LRP1B: variants seen among roughly 807,000 people sequenced by gnomAD.
LRP1B encodes low-density lipoprotein receptor-related protein 1B.
In LRP1B, 217 loss-of-function variants were observed where a neutral mutation model predicts 556.6. The ratio of observed to expected loss-of-function variants is 0.39; its 90% CI spans 0.35 to 0.44. The LOEUF (loss-of-function observed/expected upper bound fraction) is 0.44. LRP1B is among the 20% of genes least tolerant of loss of function. The pLI is 1.00. For missense variants in LRP1B, 5,053 were observed against 5,620.8 expected (o/e 0.90, Z 3.23); for synonymous variants, 2,047 against 1,865.8 (o/e 1.10, Z -2.50).
At chr2:141,232,104 C>T (rs1683494242) in intron 5 of LRP1B, among the ~76,000 whole-genome samples, 1 of 152,172 alleles carries the variant, frequency 6.6e-6, no homozygotes, top group Non-Finnish European at 1.5e-5. Context: ...CAGTTTCTCT[C>T]CTAACCTCTT....
intron 3 of LRP1B, among the ~76,000 whole-genome samples, chr2:141,271,772 A>T (rs1466874201): frequency 4.8e-4 from 21 of 43,970 alleles, no homozygotes; most frequent in African/African-American, 1.1e-3. Flanking sequence ...AAACCATATG[A>T]AAAAAAAAAA....
rs539637344 is a variant in LRP1B at position 140,446,126 on chromosome 2, T to C, written c.10058-1447A>G. Among the ~76,000 whole-genome samples the C allele has an allele frequency of 4.6e-5, 7 of 152,304 alleles. No individual in the cohort carries two copies. The South Asian group carries it at 8.3e-4, about 18-fold the overall frequency. ...TTTGTTAATTAATAATACTAAATGT[T>C]TAAACTGAATGACACAATTATCTCA... is the stretch of plus-strand genomic sequence containing the variant. On this transcript the variant is annotated intron_variant, in intron 63 of 90. Coordinates refer to ENST00000389484, the MANE Select transcript of LRP1B (RefSeq NM_018557.3).
chr2:141,290,188 T>C (rs1349064411), intron 3 of LRP1B, among the ~76,000 whole-genome samples: 1 of 152,102 alleles, frequency 6.6e-6, no homozygotes, highest in Non-Finnish European at 1.5e-5. Flanking sequence ...GAAAATCTCC[T>C]CTATATTTAA....
intron 82 of LRP1B, among the ~76,000 whole-genome samples, chr2:140,318,130 T>C (rs1189498830): frequency 6.6e-6 from 1 of 151,892 alleles, no homozygotes; most frequent in African/African-American, 2.4e-5. Context: ...GGCAAATAAT[T>C]ATAAAGAAAT....
chr2:140,551,052 C>A (rs775035327), intron 43 of LRP1B, among the ~76,000 whole-genome samples: 1 of 152,070 alleles, frequency 6.6e-6, no homozygotes, highest in Non-Finnish European at 1.5e-5. Context: ...AGCGGTAAAG[C>A]CATCACTAGA....
intron 2 of LRP1B, among the ~76,000 whole-genome samples, chr2:141,717,331 C>A (rs1558825028): frequency 6.6e-6 from 1 of 152,158 alleles, no homozygotes; most frequent in Non-Finnish European, 1.5e-5. Context: ...TGCATGATTG[C>A]TATTATGTCA....
chr2:141,414,916 G>T (rs770283782), intron 3 of LRP1B, among the ~76,000 whole-genome samples: 1 of 152,178 alleles, frequency 6.6e-6, no homozygotes, highest in Non-Finnish European at 1.5e-5. Context: ...TGACAAATCT[G>T]ATAAAATTGA....
chr2:140,403,879 A>G (rs941034855), intron 66 of LRP1B, among the ~76,000 whole-genome samples: 1 of 152,168 alleles, frequency 6.6e-6, no homozygotes, highest in Non-Finnish European at 1.5e-5. Context: ...GTGAGATAAA[A>G]GCATCAGGTA....
intron 41 of LRP1B, among the ~76,000 whole-genome samples, chr2:140,696,530 AC>A (rs1227267622): frequency 2.0e-4 from 30 of 152,296 alleles, no homozygotes; most frequent in African/African-American, 7.0e-4. Flanking sequence ...ATAATTTAAG[AC>A]AAAAATCATT....
At chr2:140,247,255 C>T in intron 86 of LRP1B, 93 bp from the exon 87 acceptor site, 1 of 796,484 alleles carries the variant, frequency 1.3e-6, no homozygotes, top group East Asian at 2.6e-5. Context: ...TGAAAGGTTA[C>T]AGGAGCCAGT....
chr2:140,557,280 A>C, intron 43 of LRP1B, among the ~76,000 whole-genome samples: 1 of 152,172 alleles, frequency 6.6e-6, no homozygotes, highest in East Asian at 1.9e-4. Context: ...TTAGACTTGC[A>C]AAAAATTTTG....
At chr2:140,854,263 C>T (rs1055808548) in intron 27 of LRP1B, among the ~76,000 whole-genome samples, 9 of 152,068 alleles carry the variant, frequency 5.9e-5, no homozygotes, top group Admixed American at 1.3e-4. Flanking sequence ...AGGCCAGAAT[C>T]ATACCAACCC....
At chr2:141,271,196 C>T (rs996949727) in intron 3 of LRP1B, among the ~76,000 whole-genome samples, 12 of 151,178 alleles carry the variant, frequency 7.9e-5, no homozygotes, top group African/African-American at 1.2e-4. Context: ...ATTATATAAT[C>T]GGAATAATGC....
intron 7 of LRP1B, among the ~76,000 whole-genome samples, chr2:141,090,553 T>G (rs1190467506): frequency 6.6e-6 from 1 of 152,220 alleles, no homozygotes; most frequent in Non-Finnish European, 1.5e-5. Flanking sequence ...TCCAACAGTT[T>G]CAACATTCTA....
At chr2:141,795,004 A>G (rs974464796) in intron 2 of LRP1B, among the ~76,000 whole-genome samples, 2 of 152,118 alleles carry the variant, frequency 1.3e-5, no homozygotes, top group East Asian at 1.9e-4. Context: ...GAGTTGTAAA[A>G]GTATTGAAAA....
intron 7 of LRP1B, among the ~76,000 whole-genome samples, chr2:141,067,381 A>T (rs1475304574): frequency 6.6e-6 from 1 of 151,964 alleles, no homozygotes; most frequent in Non-Finnish European, 1.5e-5. Flanking sequence ...CAAGACAGTT[A>T]TTTATTGATC....
intron 27 of LRP1B, among the ~76,000 whole-genome samples, chr2:140,858,418 G>A (rs969278228): frequency 6.7e-6 from 1 of 150,220 alleles, no homozygotes; most frequent in Non-Finnish European, 1.5e-5. Context: ...ATGTATGTAT[G>A]TATGTACGTG....
chr2:140,746,956 T>C (rs1688335871), intron 35 of LRP1B, among the ~76,000 whole-genome samples: 1 of 152,080 alleles, frequency 6.6e-6, no homozygotes, highest in Non-Finnish European at 1.5e-5. Flanking sequence ...AAACACATCC[T>C]AATGTATTAA....
At chr2:142,035,464 A>AT (rs920728832) in intron 1 of LRP1B, among the ~76,000 whole-genome samples, 1,694 of 147,130 alleles carry the variant, frequency 0.012, 31 homozygotes, top group African/African-American at 0.032. Flanking sequence ...ACTTATTTGT[A>AT]TTTTTTTTTT....
Sources: gnomAD v4.1 joint callset for allele counts (sites outside exome capture counted in the v4.1 genomes callset) on GRCh38, gnomAD v4.1.1 for gene constraint, MANE v1.5 for transcripts, NCBI Gene and HGNC (gene_info 2026-07-23, HGNC 2026-07-21) for gene names.